MTUS2: variants seen among roughly 807,000 people sequenced by gnomAD.
The protein encoded by MTUS2 is microtubule-associated tumor suppressor candidate 2.
MTUS2 carries 40 observed loss-of-function variants against 114.1 expected under a neutral mutation model. The ratio of observed to expected loss-of-function variants is 0.35; its 90% CI spans 0.27 to 0.46. The LOEUF (loss-of-function observed/expected upper bound fraction) is 0.46. MTUS2 is among the 20% of genes least tolerant of loss of function. The probability of loss-of-function intolerance (pLI) is 1.00; values close to 1 mark genes in which losing one functional copy is unlikely to be tolerated. For synonymous variants in MTUS2, 688 were observed against 672.0 expected, an observed-to-expected ratio of 1.02 and a Z score of -0.37; for missense variants, 1,679 against 1,705.4, an observed-to-expected ratio of 0.98 and a Z score of 0.27.
chr13:29,102,706 A>G (rs539432871), intron 5 of MTUS2, among the ~76,000 whole-genome samples: 1 of 152,224 alleles, frequency 6.6e-6, no homozygotes, highest in African/African-American at 2.4e-5. Context: ...TTCACCAATA[A>G]ATCACAGAAA....
rs186691290 is a variant in MTUS2, at chr13:29,331,987, T to C, written c.2905+7276T>C. Among the ~76,000 whole-genome samples, 313 of 152,314 alleles carry C rather than the reference T, an allele frequency of 2.1e-3. 1 individual carries two copies. The highest frequency in any genetic ancestry group is 0.011 in the South Asian group (52 of 4,826). On this transcript the variant is annotated intron_variant, in intron 7 of 15. Transcript: ENST00000612955. The stretch of plus-strand genomic sequence containing the variant: ...AGTATTTTATTGAGGATTTTCTCGT[T>C]AATGTTCATCAGGGATATTGGCCTG...
Position 29,505,554 on chromosome 13 carries a change from G to A in MTUS2, c.*2348G>A. 4.3e-6 allele frequency: 1 copy of A among 230,260 alleles called. No homozygotes were observed. Among genetic ancestry groups the A allele is most frequent in the Non-Finnish European group, 8.6e-6 (1 of 116,324 alleles). 14.3% of individuals were successfully genotyped at this position (230,260 alleles called of 1,614,324 possible). ...AAACACATGGGGCGGCAGCTGCTGT[G>A]CCTCCTTCTCAATTCTTCCACCCCC... is the stretch of plus-strand genomic sequence containing the variant. On this transcript the variant is annotated 3_prime_UTR_variant, in exon 16 of 16. Coordinates refer to ENST00000612955, the MANE Select transcript of MTUS2 (RefSeq NM_001033602.4).
chr13:29,005,949 G>A (rs1317356348), intron 2 of MTUS2, among the ~76,000 whole-genome samples: 1 of 152,194 alleles, frequency 6.6e-6, no homozygotes, highest in African/African-American at 2.4e-5. Context: ...ATGGCCCATT[G>A]TAACAATTCT....
chr13:28,903,918 C>T (rs2137972173), intron 2 of MTUS2, among the ~76,000 whole-genome samples: 1 of 152,322 alleles, frequency 6.6e-6, no homozygotes, highest in South Asian at 2.1e-4. Context: ...TCCTCTCCAA[C>T]ACCTGGTGTT....
Position 29,324,630 on chromosome 13 carries a change from C to A in MTUS2, c.2824C>A (p.Gln942Lys). The change falls in exon 7 of 16, where the codon CAG (glutamine) becomes AAG (lysine). Residue 942 changes from glutamine (Q) to lysine (K), a missense_variant. By Grantham distance (53) the Gln-to-Lys change is moderately conservative. Transcript: ENST00000612955. ...ATACACAGGAACAAAGAAAGATGCT[C>A]AGAAAGATCAAGATACGAATAAACC... ...STPAGTKKDA[Q>K]KDQDTNKPAV... 1 of 1,585,426 alleles carries A rather than the reference C, an allele frequency of 6.3e-7. No homozygotes were observed. The highest frequency in any genetic ancestry group is 8.6e-7 in the Non-Finnish European group (1 of 1,164,760).
intron 9 of MTUS2, among the ~76,000 whole-genome samples, chr13:29,440,587 C>T (rs951140520): frequency 2.6e-5 from 4 of 152,194 alleles, no homozygotes; most frequent in African/African-American, 9.7e-5. Context: ...GGGGATGTGG[C>T]TTTCACCGTA....
chr13:29,325,567 AGAAG>A, intron 7 of MTUS2, among the ~76,000 whole-genome samples: 1 of 28,224 alleles, frequency 3.5e-5, no homozygotes, highest in East Asian at 2.6e-3. Flanking sequence ...AGGAAGAAGA[AGAAG>A]AGGAGGAGGA....
chr13:29,417,918 G>C (rs1875784391), intron 8 of MTUS2, among the ~76,000 whole-genome samples: 1 of 152,138 alleles, frequency 6.6e-6, no homozygotes, highest in Non-Finnish European at 1.5e-5. Context: ...TGCTTCTTAA[G>C]AGTCCTAATT....
chr13:29,320,728 A>G (rs916294738), intron 6 of MTUS2, among the ~76,000 whole-genome samples: 14 of 152,206 alleles, frequency 9.2e-5, no homozygotes, highest in African/African-American at 3.4e-4. Flanking sequence ...TGGCAGTGCT[A>G]AGGAGGGTGA....
chr13:28,887,866 C>G (rs1269695076), intron 2 of MTUS2, among the ~76,000 whole-genome samples: 1 of 152,200 alleles, frequency 6.6e-6, no homozygotes, highest in African/African-American at 2.4e-5. Flanking sequence ...TCTAGACTGC[C>G]TCTCTGTTAC....
At chr13:28,894,715 C>A (rs73437237) in intron 2 of MTUS2, among the ~76,000 whole-genome samples, 4 of 152,134 alleles carry the variant, frequency 2.6e-5, no homozygotes, top group African/African-American at 9.7e-5. Context: ...CTGATAGAGA[C>A]AGGCCAAGAT....
intron 6 of MTUS2, among the ~76,000 whole-genome samples, 176 bp downstream of exon 6, chr13:29,282,041 T>G (rs1009308055): frequency 6.6e-6 from 1 of 152,248 alleles, no homozygotes; most frequent in African/African-American, 2.4e-5. Context: ...ATGTTTAAAT[T>G]CTCGTAACTG....
intron 15 of MTUS2, 83 bp downstream of exon 15, chr13:29,501,277 C>T: frequency 3.0e-6 from 3 of 1,015,404 alleles, no homozygotes; most frequent in Non-Finnish European, 4.6e-6. Context: ...CTCACTCTGG[C>T]CTGTGAGTCT....
At chr13:29,267,628 T>G (rs1166929840) in intron 5 of MTUS2, among the ~76,000 whole-genome samples, 1 of 152,208 alleles carries the variant, frequency 6.6e-6, no homozygotes, top group East Asian at 1.9e-4. Context: ...CACATTACAA[T>G]GTGGGACTGA....
rs116224145 is a variant in MTUS2, at chr13:29,025,273, C to T, written c.575C>T (p.Pro192Leu). The T allele has an allele frequency of 0.019, 30,166 of 1,613,904 alleles. 345 individuals carry two copies. Among genetic ancestry groups the T allele is most frequent in the East Asian group, 0.046 (2,057 of 44,870 alleles). Residue 192 changes from proline to leucine, a missense_variant, in exon 3 of 16, where the codon CCG becomes CTG. Coordinates refer to ENST00000612955, the MANE Select transcript of MTUS2 (RefSeq NM_001033602.4). ...GTAGCTGCAGTCGGGAGCCTGACTC[C>T]GCAGCATCCACAGCCTCTATCCCTC... ...SSVAAVGSLT[P>L]QHPQPLSLDS... is the part of the protein sequence containing the mutation.
chr13:29,002,648 C>T (rs1229180784), intron 2 of MTUS2, among the ~76,000 whole-genome samples: 16 of 152,150 alleles, frequency 1.1e-4, no homozygotes, highest in Admixed American at 1.0e-3. Context: ...GCAAACAGAT[C>T]TTTAAATCTA....
intron 2 of MTUS2, among the ~76,000 whole-genome samples, chr13:28,980,127 C>T (rs1884292156): frequency 6.6e-6 from 1 of 152,144 alleles, no homozygotes; most frequent in Admixed American, 6.5e-5. Context: ...TACTTGAGGG[C>T]TTTTGAATAC....
intron 1 of MTUS2, among the ~76,000 whole-genome samples, chr13:28,830,598 T>C (rs980766620): frequency 6.6e-6 from 1 of 152,052 alleles, no homozygotes; most frequent in African/African-American, 2.4e-5. Context: ...TGAAATTATA[T>C]ACTATGAGGA....
At chr13:29,218,302 G>T (rs886803612) in intron 5 of MTUS2, among the ~76,000 whole-genome samples, 1 of 152,118 alleles carries the variant, frequency 6.6e-6, no homozygotes, top group African/African-American at 2.4e-5. Context: ...TATACCTTCA[G>T]CCTCGCCTTC....
Sources: gnomAD v4.1 joint callset for allele counts (sites outside exome capture counted in the v4.1 genomes callset) on GRCh38, gnomAD v4.1.1 for gene constraint, MANE v1.5 for transcripts, NCBI Gene and HGNC (gene_info 2026-07-23, HGNC 2026-07-21) for gene names.